The following NR6A1 variants were observed in gnomAD, a reference collection of about 807,000 sequenced individuals.
The protein encoded by NR6A1 is nuclear receptor subfamily 6 group A member 1.
NR6A1 carries 7 observed loss-of-function variants against 59.1 expected under a neutral mutation model. That is an observed-to-expected ratio of 0.12 (90% CI 0.07 to 0.22). NR6A1 has a LOEUF of 0.22. Ranked by LOEUF, NR6A1 falls within the 10% of genes least tolerant of loss-of-function variation. The pLI is 1.00. For missense variants in NR6A1, 468 were observed against 611.6 expected, an observed-to-expected ratio of 0.77 and a Z score of 2.48; for synonymous variants, 243 against 236.1, an observed-to-expected ratio of 1.03 and a Z score of -0.27.
intron 2 of NR6A1, among the ~76,000 whole-genome samples, chr9:124,681,966 A>G (rs1838175379): frequency 6.6e-6 from 1 of 151,768 alleles, no homozygotes; most frequent in Admixed American, 6.6e-5. Context: ...ACCGCAACTA[A>G]CCTTTGTTTT....
At chr9:124,665,650 T>C (rs1837590138) in intron 2 of NR6A1, among the ~76,000 whole-genome samples, 1 of 152,234 alleles carries the variant, frequency 6.6e-6, no homozygotes, top group Admixed American at 6.5e-5. Context: ...CTGAAGACTA[T>C]GTTCTCAGCA....
At chr9:124,536,192 C>T in intron 6 of NR6A1, 60 bp from the exon 7 acceptor site, 1 of 1,565,848 alleles carries the variant, frequency 6.4e-7, no homozygotes, top group African/African-American at 1.3e-5. Flanking sequence ...GATAAGGGTA[C>T]AGAGAGAAGG....
At chr9:124,534,733 C>G (rs906125009) in intron 7 of NR6A1, among the ~76,000 whole-genome samples, 3 of 152,168 alleles carry the variant, frequency 2.0e-5, no homozygotes, top group East Asian at 1.9e-4. Context: ...AATCCCAAAC[C>G]CTTATGGGAA....
At chr9:124,556,940 T>C (rs1564177752) in intron 2 of NR6A1, among the ~76,000 whole-genome samples, 1 of 151,348 alleles carries the variant, frequency 6.6e-6, no homozygotes, top group Non-Finnish European at 1.5e-5. Context: ...AAACAGCAGG[T>C]ACTCACAGAC....
intron 2 of NR6A1, among the ~76,000 whole-genome samples, chr9:124,709,907 C>G (rs1218381998): frequency 3.3e-5 from 5 of 150,870 alleles, no homozygotes; most frequent in African/African-American, 9.8e-5. Context: ...GATCATGCCA[C>G]TGCACTCCAG....
At chr9:124,564,876 G>A (rs1256458099) in intron 2 of NR6A1, among the ~76,000 whole-genome samples, 1 of 152,072 alleles carries the variant, frequency 6.6e-6, no homozygotes, top group Admixed American at 6.5e-5. Context: ...TAGACCAAAG[G>A]CATGGAATGG....
chr9:124,618,641 G>C (rs1835970033), intron 2 of NR6A1, among the ~76,000 whole-genome samples: 1 of 152,102 alleles, frequency 6.6e-6, no homozygotes, highest in Non-Finnish European at 1.5e-5. Context: ...AAATTAATCT[G>C]AACTAAAGTT....
At chr9:124,696,452 G>T (rs980716752) in intron 2 of NR6A1, among the ~76,000 whole-genome samples, 2 of 149,880 alleles carry the variant, frequency 1.3e-5, no homozygotes, top group Non-Finnish European at 1.5e-5. Context: ...GATATTTCAA[G>T]ATACTTAAAA....
chr9:124,585,162 G>C (rs986103342), intron 2 of NR6A1, among the ~76,000 whole-genome samples: 3 of 152,184 alleles, frequency 2.0e-5, no homozygotes, highest in African/African-American at 7.2e-5. Context: ...GGTTGAGAGA[G>C]GTGAGGAAGC....
chr9:124,672,855 C>T (rs1837836484), intron 2 of NR6A1, among the ~76,000 whole-genome samples: 1 of 151,708 alleles, frequency 6.6e-6, no homozygotes, highest in Admixed American at 6.6e-5. Flanking sequence ...ATTTGAGGGG[C>T]AGACTTAATG....
At chr9:124,744,616 C>G (rs1840272580) in intron 1 of NR6A1, among the ~76,000 whole-genome samples, 1 of 152,172 alleles carries the variant, frequency 6.6e-6, no homozygotes, top group South Asian at 2.1e-4. Flanking sequence ...ACCTCAACGT[C>G]CAAGAAGAAT....
intron 7 of NR6A1, among the ~76,000 whole-genome samples, chr9:124,527,293 T>C (rs914862127): frequency 1.3e-5 from 2 of 152,188 alleles, no homozygotes; most frequent in African/African-American, 4.8e-5. Flanking sequence ...GATACAGCTA[T>C]TGTAGAGATT....
intron 2 of NR6A1, among the ~76,000 whole-genome samples, chr9:124,671,901 A>G (rs1319777926): frequency 6.6e-6 from 1 of 152,218 alleles, no homozygotes; most frequent in Admixed American, 6.5e-5. Context: ...CATACCTAGG[A>G]AACCAACATC....
intron 2 of NR6A1, among the ~76,000 whole-genome samples, chr9:124,636,483 GCCATCATACCCAAGGT>G (rs1219071406): frequency 8.5e-5 from 13 of 152,086 alleles, no homozygotes; most frequent in Non-Finnish European, 1.9e-4. Context: ...AAAACATCAT[GCCATCATACCCAAGGT>G]CATCTATGTT....
intron 2 of NR6A1, among the ~76,000 whole-genome samples, chr9:124,587,269 A>G (rs1274449417): frequency 6.6e-6 from 1 of 152,248 alleles, no homozygotes; most frequent in Non-Finnish European, 1.5e-5. Context: ...CAACTTTTAT[A>G]TGCACTGAGA....
At chr9:124,591,103 G>A (rs2130798281) in intron 2 of NR6A1, among the ~76,000 whole-genome samples, 1 of 152,262 alleles carries the variant, frequency 6.6e-6, no homozygotes, top group Admixed American at 6.5e-5. Context: ...TTTCCAAAGA[G>A]CCCCTCCCTT....
At chr9:124,754,678 T>C (rs1187930983) in intron 1 of NR6A1, among the ~76,000 whole-genome samples, 1 of 152,194 alleles carries the variant, frequency 6.6e-6, no homozygotes, top group Non-Finnish European at 1.5e-5. Context: ...TTCAGCAAAC[T>C]GTCTTTTATT....
intron 2 of NR6A1, among the ~76,000 whole-genome samples, chr9:124,633,730 C>G (rs1441669411): frequency 6.6e-6 from 1 of 152,060 alleles, no homozygotes; most frequent in Non-Finnish European, 1.5e-5. Flanking sequence ...TTGCCCCAGA[C>G]AGAAAAAAGA....
intron 2 of NR6A1, among the ~76,000 whole-genome samples, chr9:124,722,759 C>T (rs1418005799): frequency 1.3e-5 from 2 of 152,122 alleles, no homozygotes; most frequent in African/African-American, 4.8e-5. Context: ...CTCCCGACAC[C>T]CAGGCTAGAA....
Sources: gnomAD v4.1 joint callset for allele counts (sites outside exome capture counted in the v4.1 genomes callset) on GRCh38, gnomAD v4.1.1 for gene constraint, MANE v1.5 for transcripts, NCBI Gene and HGNC (gene_info 2026-07-23, HGNC 2026-07-21) for gene names.